Variants in AFF1 observed in about 807,000 individuals in gnomAD.
AFF1 encodes the protein AF4/FMR2 family member 1.
AFF1 carries 48 observed loss-of-function variants against 121.7 expected under a neutral mutation model. The ratio of observed to expected loss-of-function variants is 0.39; its 90% CI spans 0.31 to 0.50. The LOEUF (loss-of-function observed/expected upper bound fraction) is 0.50, where lower values mean the gene tolerates loss of function less well. AFF1 is among the 20% of genes least tolerant of loss of function. The pLI, the probability that AFF1 is intolerant of heterozygous loss-of-function variation, is 0.76. For synonymous variants in AFF1, 613 were observed against 563.0 expected (o/e 1.09, Z -1.26); for missense variants, 1,523 against 1,511.7 (o/e 1.01, Z -0.12).
At chr4:87,030,219 A>T (rs1728934882) in intron 2 of AFF1, among the ~76,000 whole-genome samples, 1 of 151,980 alleles carries the variant, frequency 6.6e-6, no homozygotes, top group Non-Finnish European at 1.5e-5. Context: ...GAAGGACCAG[A>T]TGGTAAATAT....
chr4:86,955,216 T>G (rs1223155139), intron 2 of AFF1, among the ~76,000 whole-genome samples: 2 of 152,186 alleles, frequency 1.3e-5, no homozygotes, highest in Admixed American at 1.3e-4. Context: ...ATTTACATTG[T>G]TTTGATTGAG....
intron 2 of AFF1, among the ~76,000 whole-genome samples, chr4:87,012,295 C>T (rs931847882): frequency 2.8e-5 from 4 of 144,732 alleles, no homozygotes; most frequent in East Asian, 2.0e-4. Context: ...AGGCTGGTCT[C>T]GAACTCCTGA....
chr4:86,964,594 C>G (rs1722402744), intron 2 of AFF1, among the ~76,000 whole-genome samples: 1 of 151,850 alleles, frequency 6.6e-6, no homozygotes, highest in Admixed American at 6.6e-5. Context: ...GCCACTATGC[C>G]CGGCTAATTT....
chr4:86,978,312 G>T (rs7658204), intron 2 of AFF1, among the ~76,000 whole-genome samples: 142,918 of 150,612 alleles, frequency 0.95, 68,153 homozygotes, highest in Non-Finnish European at 1. Flanking sequence ...GCCTCCCGAA[G>T]AGCTGGGACT....
At chr4:86,987,113 G>A (rs1010177945) in intron 2 of AFF1, among the ~76,000 whole-genome samples, 3 of 152,096 alleles carry the variant, frequency 2.0e-5, no homozygotes, top group Non-Finnish European at 4.4e-5. Context: ...TCATCTTCAA[G>A]CCTATTTAAA....
rs1335954652 is a variant in AFF1 at position 87,124,959 on chromosome 4, CT to C, written c.2467-74del. On this transcript the variant is annotated intron_variant, in intron 12 of 20. Transcript: ENST00000395146. ...CCAAAGGTTCCTTTACCCTCTTTGC[CT>C]TTTCTATATTTTCTTTTCTGTTTTG... 17 of 1,289,962 alleles carry C rather than the reference CT, an allele frequency of 1.3e-5. No individual in the cohort carries two copies. In the East Asian group the frequency reaches 4.1e-4, roughly 31 times the overall value. 79.9% of individuals were successfully genotyped at this position (1,289,962 alleles called of 1,614,324 possible). A position where few individuals can be genotyped will look rare whatever the true frequency, so the allele number is the denominator to read the frequency against.
chr4:86,948,462 C>CTAAT, intron 1 of AFF1, 36 bp from the exon 2 acceptor site: 2 of 1,407,392 alleles, frequency 1.4e-6, no homozygotes, highest in Non-Finnish European at 1.9e-6. Flanking sequence ...TACTCACAGG[C>CTAAT]TAATGTTCAC....
intron 2 of AFF1, among the ~76,000 whole-genome samples, chr4:87,043,825 CT>C (rs10543473): frequency 0.21 from 31,111 of 149,924 alleles, 3,391 homozygotes; most frequent in Middle Eastern, 0.34. Context: ...TTCTTTCTTT[CT>C]TTTTTTTTTT....
intron 2 of AFF1, among the ~76,000 whole-genome samples, chr4:87,034,804 T>TTAGA (rs1729401474): frequency 6.6e-6 from 1 of 151,992 alleles, no homozygotes; most frequent in African/African-American, 2.4e-5. Context: ...GTTTTAGGTA[T>TTAGA]CAATGAGTCA....
chr4:87,134,361 T>C (rs1560666425), intron 19 of AFF1, 110 bp from the exon 20 acceptor site: 3 of 1,016,272 alleles, frequency 3.0e-6, no homozygotes, highest in Non-Finnish European at 4.3e-6. Context: ...TTTTGGCAGG[T>C]GTATAGTGAA....
chr4:87,120,093 G>A (rs143233172), intron 12 of AFF1, among the ~76,000 whole-genome samples: 4 of 152,284 alleles, frequency 2.6e-5, no homozygotes, highest in African/African-American at 9.6e-5. Flanking sequence ...ACAACCATAT[G>A]CATGTGATAG....
intron 2 of AFF1, among the ~76,000 whole-genome samples, chr4:86,981,911 C>T (rs1269582718): frequency 1.3e-5 from 2 of 152,152 alleles, no homozygotes; most frequent in Non-Finnish European, 2.9e-5. Context: ...GACAGCAAGG[C>T]GTGTAGTTGT....
At chr4:87,091,661 A>G (rs2149716840) in intron 6 of AFF1, 132 bp from the exon 7 acceptor site, 2 of 635,190 alleles carry the variant, frequency 3.1e-6, no homozygotes, top group Non-Finnish European at 5.4e-6. Context: ...TATTCTCTAC[A>G]CTGTTTCCAT....
In AFF1 at chr4:87,047,577, C is replaced by A. The variant is rs374948523; in HGVS notation, c.1042C>A (p.Pro348Thr). Reference sequence around the variant, plus strand: ...AGCCAAGCTCACCAAACTGAAGATGCCTTCTCAGTCAGTTGAGGTGTGTGG... The same window carrying A: ...AGCCAAGCTCACCAAACTGAAGATGACTTCTCAGTCAGTTGAGGTGTGTGG... ...AKAKLTKLKM[P>T]SQSVEQTYSN... The change falls in exon 4 of 21, where the codon CCT (proline) becomes ACT (threonine). Residue 348 changes from proline (P) to threonine (T), a missense_variant. This residue lies in a region of AFF1 where 905 missense variants were observed against 842.5 expected (regional missense o/e 1.07). Coordinates refer to ENST00000395146, the MANE Select transcript of AFF1 (RefSeq NM_001166693.3). 5.0e-6 allele frequency: 8 copies of A among 1,614,160 alleles called. No homozygotes were observed. The East Asian group carries it at 6.7e-5, about 13-fold the overall frequency.
intron 11 of AFF1, among the ~76,000 whole-genome samples, chr4:87,111,183 A>ATTTTT (rs1383692920): frequency 1.7e-5 from 1 of 58,640 alleles, no homozygotes; most frequent in Admixed American, 2.2e-4. Context: ...AATTTTTTGT[A>ATTTTT]TTTTTTTTTT....
chr4:87,124,654 AT>A (rs1343123183), intron 12 of AFF1, among the ~76,000 whole-genome samples: 1 of 152,230 alleles, frequency 6.6e-6, no homozygotes, highest in Non-Finnish European at 1.5e-5. Flanking sequence ...CTCATAAAAA[AT>A]CATCTCTGTA....
chr4:87,117,551 G>A (rs1272056680), intron 12 of AFF1, among the ~76,000 whole-genome samples: 1 of 152,172 alleles, frequency 6.6e-6, no homozygotes, highest in African/African-American at 2.4e-5. Flanking sequence ...GGAAACCACT[G>A]AAGCAGAGCC....
Position 87,007,132 on chromosome 4 carries a change from G to A in AFF1, c.39-39034G>A, listed in dbSNP as rs554492983. ...GGGGCGCTCGCTTGCCCCGGATTCG[G>A]ACGCGGCGCTCCCCGGGCTCGTCTG... On this transcript the variant is annotated intron_variant, in intron 2 of 20. Coordinates refer to ENST00000395146, the MANE Select transcript of AFF1 (RefSeq NM_001166693.3). The A allele has an allele frequency of 2.1e-5, 27 of 1,268,538 alleles. 1 individual carries two copies. The South Asian group carries it at 6.4e-4, about 30-fold the overall frequency. The allele number at this position is 1,268,538 out of a possible 1,614,324, so 78.6% of individuals were successfully genotyped here. A position where few individuals can be genotyped will look rare whatever the true frequency, so the allele number is the denominator to read the frequency against.
chr4:87,026,112 GGA>G (rs1728509841), intron 2 of AFF1, among the ~76,000 whole-genome samples: 2 of 147,764 alleles, frequency 1.4e-5, no homozygotes. Flanking sequence ...GGCTGAGGCA[GGA>G]GAATTGCTTG....
Sources: allele counts gnomAD v4.1 joint callset (sites outside exome capture counted in the v4.1 genomes callset), GRCh38; gene constraint gnomAD v4.1.1; regional missense constraint gnomAD v4.1.1; transcripts MANE v1.5; gene names NCBI Gene and HGNC (gene_info 2026-07-23, HGNC 2026-07-21).